Variants in SGSM2 observed in about 807,000 individuals in gnomAD.
SGSM2 encodes the protein RUN and TBC1 domain containing 1.
A neutral mutation model predicts 126.6 loss-of-function variants in SGSM2; 89 were observed. That is an observed-to-expected ratio of 0.70 (90% CI 0.59 to 0.84). The LOEUF (loss-of-function observed/expected upper bound fraction) is 0.84, where lower values mean the gene tolerates loss of function less well. Ranked by LOEUF, SGSM2 falls within the 40% of genes least tolerant of loss-of-function variation. SGSM2 has a pLI of 0.00. For missense variants in SGSM2, 1,404 were observed against 1,416.6 expected (o/e 0.99, Z 0.14); for synonymous variants, 614 against 574.3 (o/e 1.07, Z -0.99).
At chr17:2,375,281 T>A in intron 17 of SGSM2, 1 of 545,682 alleles carries the variant, frequency 1.8e-6, no homozygotes, top group Non-Finnish European at 3.2e-6. Flanking sequence ...GCTGAAGACG[T>A]GTCTTCATGT....
chr17:2,352,767 CTTTTTTTTTTTTT>C (rs71150860), intron 2 of SGSM2, among the ~76,000 whole-genome samples: 1 of 85,960 alleles, frequency 1.2e-5, no homozygotes, highest in Admixed American at 1.3e-4. Flanking sequence ...GCTGCATTTT[CTTTTTTTTTTTTT>C]TTTTTTTTTT....
rs141702045 is a variant in SGSM2, at chr17:2,348,130, G to A, written c.133+4510G>A. Among the ~76,000 whole-genome samples the A allele has an allele frequency of 5.8e-3, 890 of 152,294 alleles. 4 individuals carry two copies. The highest frequency in any genetic ancestry group is 0.02 in the Middle Eastern group (6 of 294). On this transcript the variant is annotated intron_variant, in intron 2 of 23. Coordinates refer to ENST00000268989, the MANE Select transcript of SGSM2 (RefSeq NM_014853.3). ...TTGCTAGGCAGCTTTCATTAGCCAG[G>A]AAGGTCTGCCCTGCAGTGAGCTCCT...
At position 2,372,619 on chromosome 17, in the gene SGSM2, C is replaced by T. The variant is rs368580302; in HGVS notation, c.1788+131C>T. On this transcript the variant is annotated intron_variant, in intron 15 of 23. Transcript: ENST00000268989. The surrounding 1 kb of genome is among the most constrained non-coding windows in gnomAD (Gnocchi z 6.0). ...CGATGCCACGGAGTGACCAGGGTCC[C>T]GGCAGAATCTCTTGCAGCTGGGCCT... 43 of 1,301,544 alleles carry T rather than the reference C, an allele frequency of 3.3e-5. No individual in the cohort carries two copies. Among genetic ancestry groups the T allele is most frequent in the South Asian group, 1.1e-4 (8 of 73,810 alleles). The allele number at this position is 1,301,544 out of a possible 1,614,324, so 80.6% of individuals were successfully genotyped here.
In SGSM2 at chr17:2,337,560, G is replaced by T; in HGVS notation, c.-129G>T. The T allele has an allele frequency of 2.5e-6, 1 of 398,390 alleles. No homozygotes were observed. The highest frequency in any genetic ancestry group is 3.6e-6 in the Non-Finnish European group (1 of 281,284). 24.7% of individuals were successfully genotyped at this position (398,390 alleles called of 1,614,324 possible). On this transcript the variant is annotated 5_prime_UTR_variant, in exon 1 of 24. Coordinates refer to ENST00000268989, the MANE Select transcript of SGSM2 (RefSeq NM_014853.3). This position sits in a 1 kb window ranked among gnomAD's most constrained non-coding sequence, Gnocchi z 5.1. ...ACCGGGCAGTGGCTGCGGCGGCGGC[G>T]GCGGCGGCGGGCCGGGAGCGCGGCG... is the stretch of plus-strand genomic sequence containing the variant.
Position 2,377,881 on chromosome 17 carries a change from C to T in SGSM2, c.2827C>T (p.Leu943=), listed in dbSNP as rs1238289170. 2.5e-6 allele frequency: 4 copies of T among 1,611,884 alleles called. No individual in the cohort carries two copies. The South Asian group carries it at 4.4e-5, about 18-fold the overall frequency. The part of the protein sequence containing the change: ...IQILDSELFE[L]MHQNGDYTHF... Reference sequence around the variant, plus strand: ...GATCCTGGACTCAGAGCTGTTTGAGCTGATGCATCAGAATGGAGACTACAC... The same window carrying T: ...GATCCTGGACTCAGAGCTGTTTGAGTTGATGCATCAGAATGGAGACTACAC... Residue 943 remains leucine, a synonymous_variant, in exon 22 of 24, where the codon CTG becomes TTG. Coordinates refer to ENST00000268989, the MANE Select transcript of SGSM2 (RefSeq NM_014853.3).
intron 8 of SGSM2, 180 bp downstream of exon 8, chr17:2,364,363 C>T: frequency 1.1e-6 from 1 of 910,258 alleles, no homozygotes; most frequent in Non-Finnish European, 1.7e-6. Context: ...GGAGCCAAGC[C>T]TGGCCGTGAA....
Position 2,359,156 on chromosome 17 carries a change from C to T in SGSM2, c.134-2481C>T, listed in dbSNP as rs188254231. On this transcript the variant is annotated intron_variant, in intron 2 of 23. Coordinates refer to ENST00000268989, the MANE Select transcript of SGSM2 (RefSeq NM_014853.3). Reference sequence around the variant, plus strand: ...CCTCCCAAAGTGCTGGGATTACAGGCGTGAGCCACGGCGCCCAGACCCAGG... The same window carrying T: ...CCTCCCAAAGTGCTGGGATTACAGGTGTGAGCCACGGCGCCCAGACCCAGG... Among the ~76,000 whole-genome samples the T allele has an allele frequency of 9.3e-4, 142 of 152,266 alleles. 2 individuals carry two copies. Among genetic ancestry groups the T allele is most frequent in the African/African-American group, 3.2e-3 (134 of 41,550 alleles).
chr17:2,372,323 CCCA>C lies in SGSM2; in HGVS notation c.1643-17_1643-15del. 6.2e-7 allele frequency: 1 copy of C among 1,602,708 alleles called. No homozygotes were observed. The highest frequency in any genetic ancestry group is 8.5e-7 in the Non-Finnish European group (1 of 1,174,894). On this transcript the variant is annotated splice_polypyrimidine_tract_variant and intron_variant, in intron 14 of 23. Transcript: ENST00000268989. The surrounding 1 kb of genome is among the most constrained non-coding windows in gnomAD (Gnocchi z 6.0). ...GGCCCTGGGTCCCAGCCTCCTGCTG[CCCA>C]CCGCTGCCCACCGCAGGGCTGGCAC... is the stretch of plus-strand genomic sequence containing the variant.
Position 2,363,522 on chromosome 17 carries a change from C to T in SGSM2, c.730C>T (p.Arg244Cys), listed in dbSNP as rs17853888. ...ASEDRLAACA[R>C]ECVESLHQNS... ...GGAGGACAGGCTGGCTGCCTGTGCC[C>T]GCGAGTGTGTGGAGTCCCTGCACCA... The change falls in exon 7 of 24, where the codon CGC (arginine) becomes TGC (cysteine). Residue 244 changes from arginine (R) to cysteine (C), a missense_variant. By Grantham distance (180) the Arg-to-Cys change is radical. Transcript: ENST00000268989. The surrounding 1 kb of genome is among the most constrained non-coding windows in gnomAD (Gnocchi z 4.2). The T allele has an allele frequency of 2.1e-5, 34 of 1,613,276 alleles. No individual in the cohort carries two copies. In the Middle Eastern group the frequency reaches 1.2e-3, roughly 55 times the overall value.
intron 1 of SGSM2, among the ~76,000 whole-genome samples, chr17:2,342,350 G>A (rs532597169): frequency 6.6e-6 from 1 of 152,180 alleles, no homozygotes. Flanking sequence ...CTTGAACCCG[G>A]GAGTTGGAGG....
At chr17:2,351,133 A>T (rs2064830768) in intron 2 of SGSM2, among the ~76,000 whole-genome samples, 1 of 152,140 alleles carries the variant, frequency 6.6e-6, no homozygotes, top group Non-Finnish European at 1.5e-5. Context: ...GGTGCCTGTA[A>T]TCCCAGCTAC....
At chr17:2,370,569 C>T (rs529691180) in intron 12 of SGSM2, among the ~76,000 whole-genome samples, 1 of 148,680 alleles carries the variant, frequency 6.7e-6, no homozygotes, top group South Asian at 2.2e-4. Context: ...CATCCAGCTC[C>T]CTGGTGTTTT....
chr17:2,339,129 A>C (rs1315310580), intron 1 of SGSM2, among the ~76,000 whole-genome samples: 5 of 151,470 alleles, frequency 3.3e-5, no homozygotes, highest in Middle Eastern at 3.6e-3. Flanking sequence ...CTGGACTCTC[A>C]TAACATCCTG....
At chr17:2,370,750 A>G (rs2065830458) in intron 12 of SGSM2, among the ~76,000 whole-genome samples, 1 of 152,212 alleles carries the variant, frequency 6.6e-6, no homozygotes, top group Admixed American at 6.5e-5. Context: ...GCCTACGGGC[A>G]GGTGACTCAG....
Position 2,367,076 on chromosome 17 carries a change from C to CTTCCA in SGSM2, c.1289-195_1289-194insTTCCA. The CTTCCA allele has an allele frequency of 1.7e-6, 1 of 600,946 alleles. No individual in the cohort carries two copies. Among genetic ancestry groups the CTTCCA allele is most frequent in the South Asian group, 2.2e-5 (1 of 44,694 alleles). 37.2% of individuals were successfully genotyped at this position (600,946 alleles called of 1,614,324 possible). ...CGAAGAGTGAGGTTCTGCAGCTGCC[C>CTTCCA]CAGCCCCTCGCCTCCTTCCACACTC... On this transcript the variant is annotated intron_variant, in intron 11 of 23. Transcript: ENST00000268989. The surrounding 1 kb of genome is among the most constrained non-coding windows in gnomAD (Gnocchi z 4.0).
At chr17:2,373,106 GC>G in intron 16 of SGSM2, 25 bp downstream of exon 16, 1 of 1,592,656 alleles carries the variant, frequency 6.3e-7, no homozygotes, top group Non-Finnish European at 8.5e-7. Flanking sequence ...TTCCCATGGG[GC>G]TGATGAGATG....
intron 8 of SGSM2, 123 bp downstream of exon 8, chr17:2,364,306 A>G: frequency 1.6e-6 from 2 of 1,286,332 alleles, no homozygotes; most frequent in East Asian, 5.0e-5. Context: ...GGACGCCAAG[A>G]ATAGCAGGGA....
At position 2,367,299 on chromosome 17, in the gene SGSM2, C is replaced by T. The variant is rs1311521935; in HGVS notation, c.1317C>T (p.Ala439=). The change falls in exon 12 of 24, where the codon GCC becomes GCT. Residue 439 remains alanine (A), a synonymous_variant. Transcript: ENST00000268989. The surrounding 1 kb of genome is among the most constrained non-coding windows in gnomAD (Gnocchi z 4.0). ...CTATTAACTACCACCACCTAGCGGC[C>T]AGCCGCGCGGCCTCGGTGGACGATG... The part of the protein sequence containing the change: ...HITINYHHLA[A]SRAASVDDDE... 1 of 1,614,006 alleles carries T rather than the reference C, an allele frequency of 6.2e-7. No individual in the cohort carries two copies. Among genetic ancestry groups the T allele is most frequent in the Admixed American group, 1.7e-5 (1 of 60,006 alleles).
intron 1 of SGSM2, among the ~76,000 whole-genome samples, chr17:2,342,747 CG>C (rs1427026658): frequency 1.1e-4 from 17 of 151,642 alleles, no homozygotes; most frequent in African/African-American, 4.1e-4. Context: ...GGAGGCCGGG[CG>C]GGTGGATCAC....
Sources: gnomAD v4.1 joint callset for allele counts (sites outside exome capture counted in the v4.1 genomes callset) on GRCh38, gnomAD v4.1.1 for gene constraint, Gnocchi (gnomAD v3.1) non-coding constraint, MANE v1.5 for transcripts, NCBI Gene and HGNC (gene_info 2026-07-23, HGNC 2026-07-21) for gene names.